Variants in MACROD2 observed in about 807,000 individuals in gnomAD.
The protein encoded by MACROD2 is mono-ADP ribosylhydrolase 2, also known as ADP-ribose glycohydrolase MACROD2.
Under a neutral mutation model 70.4 loss-of-function variants are expected in MACROD2, and 36 were observed. The ratio of observed to expected loss-of-function variants is 0.51; its 90% CI spans 0.39 to 0.68. The LOEUF (loss-of-function observed/expected upper bound fraction) is 0.68, where lower values mean the gene tolerates loss of function less well. MACROD2 is among the 30% of genes least tolerant of loss of function. The probability of loss-of-function intolerance (pLI) is 0.00; values close to 1 mark genes in which losing one functional copy is unlikely to be tolerated. For missense variants in MACROD2, 496 were observed against 538.4 expected, an observed-to-expected ratio of 0.92 and a Z score of 0.78; for synonymous variants, 172 against 178.8, an observed-to-expected ratio of 0.96 and a Z score of 0.30.
intron 4 of MACROD2, among the ~76,000 whole-genome samples, chr20:14,540,663 T>C (rs2085421028): frequency 6.6e-6 from 1 of 152,186 alleles, no homozygotes; most frequent in Non-Finnish European, 1.5e-5. Flanking sequence ...AAGACAGGGA[T>C]GTTGCTGGGT....
chr20:15,912,584 T>C (rs999052432), intron 10 of MACROD2, among the ~76,000 whole-genome samples: 1 of 152,240 alleles, frequency 6.6e-6, no homozygotes, highest in Admixed American at 6.5e-5. Flanking sequence ...TTTCCAAATA[T>C]GAATCTTGGT....
At chr20:14,703,733 A>C (rs2071234533) in intron 5 of MACROD2, among the ~76,000 whole-genome samples, 1 of 151,842 alleles carries the variant, frequency 6.6e-6, no homozygotes, top group Admixed American at 6.6e-5. Context: ...TAATTTAATT[A>C]CTTTTTTTTT....
rs115778570 is a variant in MACROD2, at chr20:14,487,502, G to A, written c.272-5977G>A. Reference sequence around the variant, plus strand: ...GCTACATCGTGGCACAGCCTCACTTGGCTGCAAGATGGTAAAGGAGTCATT... The same window carrying A: ...GCTACATCGTGGCACAGCCTCACTTAGCTGCAAGATGGTAAAGGAGTCATT... On this transcript the variant is annotated intron_variant, in intron 3 of 17. Transcript: ENST00000684519. Among the ~76,000 whole-genome samples the A allele has an allele frequency of 7.5e-3, 1,142 of 152,266 alleles. 14 individuals are homozygous for A. The highest frequency in any genetic ancestry group is 0.026 in the African/African-American group (1,097 of 41,554).
chr20:14,926,845 G>A (rs903012013), intron 5 of MACROD2, among the ~76,000 whole-genome samples: 1 of 152,086 alleles, frequency 6.6e-6, no homozygotes, highest in Non-Finnish European at 1.5e-5. Flanking sequence ...CAAAGGCAAT[G>A]GCTAATTAGA....
intron 15 of MACROD2, among the ~76,000 whole-genome samples, chr20:16,005,871 T>C (rs558018877): frequency 6.6e-6 from 1 of 152,332 alleles, no homozygotes; most frequent in East Asian, 1.9e-4. Flanking sequence ...GCTGCCCTCT[T>C]CCTTTTCCCC....
intron 3 of MACROD2, among the ~76,000 whole-genome samples, chr20:14,442,927 A>G (rs1393328961): frequency 6.6e-6 from 1 of 151,690 alleles, no homozygotes; most frequent in East Asian, 2.0e-4. Flanking sequence ...ATACAAAAAT[A>G]ATTTAGCCCG....
At chr20:14,386,722 T>C (rs1428791233) in intron 3 of MACROD2, among the ~76,000 whole-genome samples, 1 of 152,220 alleles carries the variant, frequency 6.6e-6, no homozygotes, top group African/African-American at 2.4e-5. Context: ...CCCAGCATCA[T>C]GCTTCCTGAA....
At chr20:14,706,081 C>G (rs908348326) in intron 5 of MACROD2, among the ~76,000 whole-genome samples, 28 of 151,966 alleles carry the variant, frequency 1.8e-4, no homozygotes, top group Non-Finnish European at 1.5e-5. Flanking sequence ...TTTGAGAGGC[C>G]AAGGCGGGTG....
intron 3 of MACROD2, among the ~76,000 whole-genome samples, chr20:14,154,590 T>A (rs1201739172): frequency 1.7e-5 from 1 of 58,612 alleles, no homozygotes; most frequent in African/African-American, 6.7e-5. Flanking sequence ...TTTTTTGGAT[T>A]TTTAGTAAAG....
chr20:14,882,015 A>G (rs1434212173), intron 5 of MACROD2, among the ~76,000 whole-genome samples: 1 of 152,232 alleles, frequency 6.6e-6, no homozygotes, highest in Non-Finnish European at 1.5e-5. Flanking sequence ...GTCTGTTTAT[A>G]AAAGAGGAAA....
At chr20:15,725,378 T>G (rs2050846474) in intron 8 of MACROD2, among the ~76,000 whole-genome samples, 1 of 152,194 alleles carries the variant, frequency 6.6e-6, no homozygotes, top group South Asian at 2.1e-4. Flanking sequence ...AATGTAAAAT[T>G]CCATCTGTTT....
chr20:15,255,390 A>T (rs1299268368), intron 6 of MACROD2, among the ~76,000 whole-genome samples: 1 of 152,134 alleles, frequency 6.6e-6, no homozygotes, highest in African/African-American at 2.4e-5. Context: ...CCACAAGACC[A>T]CCTGAAAACT....
chr20:14,209,005 G>A (rs914696994), intron 3 of MACROD2, among the ~76,000 whole-genome samples: 4 of 152,204 alleles, frequency 2.6e-5, no homozygotes, highest in African/African-American at 9.7e-5. Context: ...GGCTGAGGAT[G>A]TTAGCTAGTG....
chr20:16,031,735 A>T (rs1301017159), intron 15 of MACROD2, among the ~76,000 whole-genome samples: 1 of 152,194 alleles, frequency 6.6e-6, no homozygotes, highest in East Asian at 1.9e-4. Context: ...ATACTAATCA[A>T]TGCACATTTG....
intron 15 of MACROD2, among the ~76,000 whole-genome samples, chr20:16,020,929 G>A (rs541143467): frequency 5.3e-5 from 8 of 152,290 alleles, no homozygotes; most frequent in African/African-American, 7.2e-5. Flanking sequence ...AGGAAGCACA[G>A]TGTTTGAAGT....
intron 4 of MACROD2, among the ~76,000 whole-genome samples, chr20:14,500,929 G>C (rs2084908407): frequency 6.6e-6 from 1 of 151,704 alleles, no homozygotes; most frequent in Non-Finnish European, 1.5e-5. Context: ...TAGGTGCTTT[G>C]AGATATTACT....
intron 15 of MACROD2, among the ~76,000 whole-genome samples, chr20:16,031,068 A>T (rs1373175017): frequency 1.3e-5 from 2 of 152,174 alleles, no homozygotes; most frequent in African/African-American, 4.8e-5. Flanking sequence ...AATGTATCTT[A>T]AAGAAAATAA....
At chr20:15,778,248 T>A (rs2051766448) in intron 8 of MACROD2, among the ~76,000 whole-genome samples, 1 of 152,134 alleles carries the variant, frequency 6.6e-6, no homozygotes, top group South Asian at 2.1e-4. Flanking sequence ...TATCCACTTC[T>A]CTCTACTTTC....
intron 3 of MACROD2, among the ~76,000 whole-genome samples, chr20:14,403,750 A>G (rs2083662741): frequency 1.3e-5 from 2 of 152,170 alleles, no homozygotes; most frequent in Non-Finnish European, 2.9e-5. Flanking sequence ...GCAATTGGGC[A>G]GTGTACCCTA....
Sources: allele counts gnomAD v4.1 joint callset (sites outside exome capture counted in the v4.1 genomes callset), GRCh38; gene constraint gnomAD v4.1.1; transcripts MANE v1.5; gene names NCBI Gene and HGNC (gene_info 2026-07-23, HGNC 2026-07-21).